The following PIK3R4 variants were observed in gnomAD, a reference collection of about 807,000 sequenced individuals.
PIK3R4 encodes the protein phosphoinositide-3-kinase regulatory subunit 4, also known as phosphoinositide 3-kinase regulatory subunit 4.
PIK3R4 carries 46 observed loss-of-function variants against 136.5 expected under a neutral mutation model. That is an observed-to-expected ratio of 0.34 (90% CI 0.27 to 0.43). PIK3R4 has a LOEUF of 0.43. Ranked by LOEUF, PIK3R4 falls within the 20% of genes least tolerant of loss-of-function variation. PIK3R4 has a pLI of 1.00. For missense variants in PIK3R4, 1,331 were observed against 1,649.5 expected, an observed-to-expected ratio of 0.81 and a Z score of 3.35; for synonymous variants, 557 against 566.7, an observed-to-expected ratio of 0.98 and a Z score of 0.24.
chr3:130,715,842 ACCAATG>A (rs764521709), intron 9 of PIK3R4, among the ~76,000 whole-genome samples: 2 of 152,182 alleles, frequency 1.3e-5, no homozygotes, highest in Non-Finnish European at 2.9e-5. Flanking sequence ...AAGAGGCATT[ACCAATG>A]CCAAGTGTAG....
At position 130,730,544 on chromosome 3, in the gene PIK3R4, T is replaced by C; in HGVS notation, c.1451-102A>G. On this transcript the variant is annotated intron_variant, in intron 4 of 19. Transcript: ENST00000356763. Reference sequence around the variant, plus strand: ...CTTTATACATAAATAATCATAAGCCTATGGGAAAAACAGAACTTTTCAATT... The same window carrying C: ...CTTTATACATAAATAATCATAAGCCCATGGGAAAAACAGAACTTTTCAATT... 3.7e-6 allele frequency: 3 copies of C among 800,414 alleles called. 1 individual carries two copies. In the South Asian group the frequency reaches 7.4e-5, roughly 20 times the overall value. The allele number at this position is 800,414 out of a possible 1,614,324, so 49.6% of individuals were successfully genotyped here. A position where few individuals can be genotyped will look rare whatever the true frequency, so the allele number is the denominator to read the frequency against.
At chr3:130,709,120 C>T (rs1331616462) in intron 9 of PIK3R4, among the ~76,000 whole-genome samples, 1 of 152,072 alleles carries the variant, frequency 6.6e-6, no homozygotes, top group Admixed American at 6.6e-5. Context: ...ATCTGTGCAC[C>T]TCTATTTAGC....
At chr3:130,681,406 C>A in intron 17 of PIK3R4, 85 bp downstream of exon 17, 1 of 905,070 alleles carries the variant, frequency 1.1e-6, no homozygotes, top group South Asian at 1.4e-5. Flanking sequence ...AAAAGCCCAA[C>A]AGATACTAGG....
intron 2 of PIK3R4, 94 bp from the exon 3 acceptor site, chr3:130,736,096 G>T: frequency 2.3e-6 from 2 of 875,476 alleles, no homozygotes; most frequent in South Asian, 2.0e-5. Context: ...AACCCAAAAT[G>T]CAAAACCCCA....
chr3:130,720,678 ATC>A (rs1423988238), intron 7 of PIK3R4, among the ~76,000 whole-genome samples: 2 of 152,198 alleles, frequency 1.3e-5, no homozygotes, highest in African/African-American at 4.8e-5. Context: ...GTAGAAAAAA[ATC>A]TGTTTTAACA....
chr3:130,727,983 C>CACAAA (rs10691434), intron 6 of PIK3R4, among the ~76,000 whole-genome samples: 53,446 of 151,524 alleles, frequency 0.35, 12,255 homozygotes, highest in African/African-American at 0.65. Context: ...TTTTCAGTTA[C>CACAAA]ACAAAGCCTT....
At chr3:130,697,480 T>C (rs2066552737) in intron 13 of PIK3R4, among the ~76,000 whole-genome samples, 1 of 152,214 alleles carries the variant, frequency 6.6e-6, no homozygotes, top group Non-Finnish European at 1.5e-5. Context: ...TAGCATACAG[T>C]TGGATCATGT....
intron 6 of PIK3R4, among the ~76,000 whole-genome samples, chr3:130,724,308 A>C (rs539688347): frequency 6.6e-6 from 1 of 152,172 alleles, no homozygotes; most frequent in East Asian, 1.9e-4. Context: ...AAATTAAAAT[A>C]AATAGTGTAT....
chr3:130,728,693 A>AAC lies in PIK3R4; in HGVS notation c.1586-10_1586-9insGT, dbSNP rs754348809. 1 of 1,504,000 alleles carries AAC rather than the reference A, an allele frequency of 6.6e-7. No homozygotes were observed. Among genetic ancestry groups the AAC allele is most frequent in the African/African-American group, 1.4e-5 (1 of 70,196 alleles). 93.2% of individuals were successfully genotyped at this position (1,504,000 alleles called of 1,614,324 possible). ...ATGTAAGGCTTGGAGCTCTAAAAAA[A>AAC]AAAAAAAAAGAAAGAAAGAAAGAAA... On this transcript the variant is annotated splice_polypyrimidine_tract_variant and intron_variant, in intron 5 of 19. Coordinates refer to ENST00000356763, the MANE Select transcript of PIK3R4 (RefSeq NM_014602.3).
In PIK3R4 at chr3:130,734,019, A is replaced by G. The variant is rs773508536; in HGVS notation, c.979T>C (p.Tyr327His). 2 of 1,614,166 alleles carry G rather than the reference A, an allele frequency of 1.2e-6. No homozygotes were observed. The highest frequency in any genetic ancestry group is 1.7e-6 in the Non-Finnish European group (2 of 1,179,996). Reference protein sequence around the residue: ...PEIFYTFLQPYMAQFAKETFL... With the variant: ...PEIFYTFLQPHMAQFAKETFL... ...GTTTCCTTGGCAAACTGGGCCATGTAGGGCTGAAGAAAAGTGTAAAATATT... is the reference window on the plus strand; with the variant it reads ...GTTTCCTTGGCAAACTGGGCCATGTGGGGCTGAAGAAAAGTGTAAAATATT... Residue 327 changes from tyrosine to histidine, a missense_variant, in exon 4 of 20, where the codon TAC (tyrosine) becomes CAC (histidine). Tyr to His is a moderately conservative substitution (Grantham distance 83, BLOSUM62 2). Transcript: ENST00000356763.
At chr3:130,694,187 C>T (rs1424180276) in intron 13 of PIK3R4, among the ~76,000 whole-genome samples, 1 of 151,962 alleles carries the variant, frequency 6.6e-6, no homozygotes, top group East Asian at 1.9e-4. Context: ...AGCTTTGTAG[C>T]AAGTTTTGAA....
At chr3:130,711,226 C>T (rs923417730) in intron 9 of PIK3R4, among the ~76,000 whole-genome samples, 6 of 152,088 alleles carry the variant, frequency 3.9e-5, no homozygotes, top group East Asian at 1.9e-4. Context: ...CACACACACA[C>T]GCACGCACAC....
At chr3:130,723,846 G>A in intron 6 of PIK3R4, 1 of 304,300 alleles carries the variant, frequency 3.3e-6, no homozygotes, top group Non-Finnish European at 6.0e-6. Flanking sequence ...AAAGGAAGAA[G>A]AATCAGACTG....
intron 6 of PIK3R4, among the ~76,000 whole-genome samples, chr3:130,726,524 T>C (rs1437001273): frequency 1.3e-5 from 2 of 151,904 alleles, no homozygotes; most frequent in African/African-American, 4.8e-5. Context: ...ACAGTATAGC[T>C]CCACAATGCC....
At chr3:130,712,684 A>G (rs988616025) in intron 9 of PIK3R4, among the ~76,000 whole-genome samples, 2 of 152,106 alleles carry the variant, frequency 1.3e-5, no homozygotes, top group African/African-American at 2.4e-5. Flanking sequence ...AAGAAAAAAA[A>G]AAAGAAACAA....
chr3:130,700,597 T>C (rs573750137), intron 13 of PIK3R4, among the ~76,000 whole-genome samples: 40 of 152,302 alleles, frequency 2.6e-4, no homozygotes, highest in African/African-American at 9.1e-4. Flanking sequence ...AAGATCTAGG[T>C]AGTCCAAATC....
intron 2 of PIK3R4, among the ~76,000 whole-genome samples, chr3:130,739,707 T>G (rs1273308063): frequency 6.6e-6 from 1 of 152,090 alleles, no homozygotes; most frequent in African/African-American, 2.4e-5. Context: ...CACAGGTTAT[T>G]AGTTGCAAGG....
At chr3:130,735,120 A>G (rs1166656990) in intron 3 of PIK3R4, among the ~76,000 whole-genome samples, 1 of 152,236 alleles carries the variant, frequency 6.6e-6, no homozygotes, top group Non-Finnish European at 1.5e-5. Flanking sequence ...TGCACTGTTC[A>G]ATAAATATGG....
chr3:130,721,323 C>A (rs1289370725), intron 7 of PIK3R4, among the ~76,000 whole-genome samples: 5 of 145,428 alleles, frequency 3.4e-5, no homozygotes, highest in African/African-American at 1.3e-4. Flanking sequence ...GGTGAAAGAG[C>A]GAGACTCCGT....
Sources: allele counts gnomAD v4.1 joint callset (sites outside exome capture counted in the v4.1 genomes callset), GRCh38; gene constraint gnomAD v4.1.1; transcripts MANE v1.5; gene names NCBI Gene and HGNC (gene_info 2026-07-23, HGNC 2026-07-21).